Variants in GLT6D1 observed in about 807,000 individuals in gnomAD.
GLT6D1 encodes putative glycosyltransferase 6 domain-containing protein 1.
Under a neutral mutation model 12.3 loss-of-function variants are expected in GLT6D1, and 9 were observed. The ratio of observed to expected loss-of-function variants is 0.73; its 90% confidence interval spans 0.44 to 1.27. The LOEUF is 1.27. Ranked by LOEUF, GLT6D1 falls within the 50% of genes most tolerant of loss-of-function variation. The pLI is 0.00. For synonymous variants in GLT6D1, 128 were observed against 132.3 expected, an observed-to-expected ratio of 0.97 and a Z score of 0.23; for missense variants, 335 against 346.2, an observed-to-expected ratio of 0.97 and a Z score of 0.26.
In GLT6D1 at chr9:135,633,292, C is replaced by T. The variant is rs186570208; in HGVS notation, c.72-1814G>A. On this transcript the variant is annotated intron_variant, in intron 2 of 4. Transcript: ENST00000371763. ...TGAGAGGCAGTCTTGCTCTGTCTCC[C>T]AGGCTGGAGTGCAGTGGTATGATCT... 1.6e-4 allele frequency among the ~76,000 whole-genome samples: 25 copies of T among 152,244 alleles called. 1 individual carries two copies. Among genetic ancestry groups the T allele is most frequent in the Admixed American group, 4.6e-4 (7 of 15,288 alleles).
In GLT6D1 at chr9:135,634,955, G is replaced by A. The variant is rs111388300; in HGVS notation, c.72-3477C>T. 2.4e-3 allele frequency among the ~76,000 whole-genome samples: 358 copies of A among 152,286 alleles called. 1 individual carries two copies. The highest frequency in any genetic ancestry group is 7.8e-3 in the African/African-American group (324 of 41,560). ...CTCCCCGTTTTCTTTATAAGAAAGC[G>A]CTGCGCGCAACCCAAACTTCAGGAC... On this transcript the variant is annotated intron_variant, in intron 2 of 4. Coordinates refer to ENST00000371763, the MANE Select transcript of GLT6D1 (RefSeq NM_182974.3).
rs546648772 is a variant in GLT6D1, at chr9:135,639,463, C to T, written c.-177G>A. 2.4e-4 allele frequency: 68 copies of T among 282,596 alleles called. No homozygotes were observed. Among genetic ancestry groups the T allele is most frequent in the Admixed American group, 1.0e-3 (20 of 19,838 alleles). 17.5% of individuals were successfully genotyped at this position (282,596 alleles called of 1,614,324 possible). ...GTCTGCGTTGATTGCATGAAAGAAA[C>T]GCAATAAATCTCTCCACTGCAGGGC... On this transcript the variant is annotated 5_prime_UTR_variant, in exon 1 of 5. Transcript: ENST00000371763.
chr9:135,631,470 T>C lies in GLT6D1; in HGVS notation c.80A>G (p.Gln27Arg). ...MLVERYFRNH[Q>R]VEELRLSDWF... ...GTCTGAGAGCCGAAGTTCTTCTACTTGGTGATTCCTGGATACAAAGAGAAA... is the reference window on the plus strand; with the variant it reads ...GTCTGAGAGCCGAAGTTCTTCTACTCGGTGATTCCTGGATACAAAGAGAAA... The change falls in exon 3 of 5, where the codon CAA becomes CGA. Residue 27 changes from glutamine (Q) to arginine (R), a missense_variant. Gln to Arg is a conservative substitution (Grantham distance 43). Coordinates refer to ENST00000371763, the MANE Select transcript of GLT6D1 (RefSeq NM_182974.3). 6.2e-7 allele frequency: 1 copy of C among 1,610,148 alleles called. No homozygotes were observed. The highest frequency in any genetic ancestry group is 1.3e-5 in the African/African-American group (1 of 74,962).
Position 135,623,923 on chromosome 9 carries a change from A to G in GLT6D1, c.*174T>C. On this transcript the variant is annotated 3_prime_UTR_variant, in exon 5 of 5. Transcript: ENST00000371763. ...ATGTAAATTTGTATGTCTCTAAAAA[A>G]TGGAAGGTCTTAAGACTTCCCTCAT... 3.8e-6 allele frequency: 2 copies of G among 524,024 alleles called. No individual in the cohort carries two copies. The highest frequency in any genetic ancestry group is 6.7e-6 in the Non-Finnish European group (2 of 298,074). The allele number at this position is 524,024 out of a possible 1,614,324, so 32.5% of individuals were successfully genotyped here.
intron 2 of GLT6D1, among the ~76,000 whole-genome samples, chr9:135,637,196 G>A (rs954452517): frequency 2.0e-5 from 3 of 151,336 alleles, no homozygotes; most frequent in Non-Finnish European, 2.9e-5. Context: ...TTGCACAGAT[G>A]AGCCACAGCA....
intron 3 of GLT6D1, among the ~76,000 whole-genome samples, chr9:135,629,860 C>T (rs60450351): frequency 0.082 from 12,399 of 152,014 alleles, 593 homozygotes; most frequent in South Asian, 0.15. Flanking sequence ...TCTCTAGTAA[C>T]AATTTTTGTC....
intron 3 of GLT6D1, among the ~76,000 whole-genome samples, chr9:135,629,137 C>T (rs1028290854): frequency 1.3e-5 from 2 of 151,510 alleles, no homozygotes; most frequent in African/African-American, 4.8e-5. Context: ...ATAAATTTTC[C>T]TTAGTGTATA....
intron 3 of GLT6D1, among the ~76,000 whole-genome samples, chr9:135,626,416 G>A (rs1325474335): frequency 1.3e-5 from 2 of 152,168 alleles, no homozygotes; most frequent in Non-Finnish European, 2.9e-5. Flanking sequence ...AGGCACACAC[G>A]GTTGAGTAAG....
chr9:135,638,118 C>CA (rs1234403618), intron 2 of GLT6D1, among the ~76,000 whole-genome samples: 1 of 152,106 alleles, frequency 6.6e-6, no homozygotes, highest in Non-Finnish European at 1.5e-5. Flanking sequence ...TGGCAGGAGG[C>CA]AAAAGGCATG....
chr9:135,629,078 G>A (rs1384005588), intron 3 of GLT6D1, among the ~76,000 whole-genome samples: 1 of 151,120 alleles, frequency 6.6e-6, no homozygotes, highest in African/African-American at 2.4e-5. Context: ...TTTTTTTCCT[G>A]TGCTTGCTTT....
rs549388131 is a variant in GLT6D1 at position 135,638,465 on chromosome 9, T to C, written c.71+652A>G. Among the ~76,000 whole-genome samples the C allele has an allele frequency of 2.6e-5, 4 of 152,396 alleles. No homozygotes were observed. The East Asian group carries it at 7.7e-4, about 29-fold the overall frequency. ...GATGGAACCTTTAGTATTATTTATA[T>C]TAAACACAAAGATGGAAACTTGAGA... On this transcript the variant is annotated intron_variant, in intron 2 of 4. Transcript: ENST00000371763.
rs1227852754 is a variant in GLT6D1, at chr9:135,623,836, T to C, written c.*261A>G. The C allele has an allele frequency of 2.6e-6, 1 of 387,730 alleles. No individual in the cohort carries two copies. 24.0% of individuals were successfully genotyped at this position (387,730 alleles called of 1,614,324 possible). A position where few individuals can be genotyped will look rare whatever the true frequency, so the allele number is the denominator to read the frequency against. On this transcript the variant is annotated 3_prime_UTR_variant, in exon 5 of 5. Coordinates refer to ENST00000371763, the MANE Select transcript of GLT6D1 (RefSeq NM_182974.3). Reference sequence around the variant, plus strand: ...ATTAAGTAATTATCCTTTTATTCTTTATCCTACATTAGCCAAATAAGATGG... The same window carrying C: ...ATTAAGTAATTATCCTTTTATTCTTCATCCTACATTAGCCAAATAAGATGG...
In GLT6D1 at chr9:135,624,478, A is replaced by T; in HGVS notation, c.450T>A (p.His150Gln). 1 of 1,612,882 alleles carries T rather than the reference A, an allele frequency of 6.2e-7. No individual in the cohort carries two copies. Among genetic ancestry groups the T allele is most frequent in the Non-Finnish European group, 8.5e-7 (1 of 1,179,610 alleles). ...CGATGTGTTCACCCAGGCTCTTCAC[A>T]TGCACCAGGGGGCCATCGAGCCACC... Reference protein sequence around the residue: ...ERWWLDGPLVHVKSLGEHIAS... With the variant: ...ERWWLDGPLVQVKSLGEHIAS... The change falls in exon 5 of 5, where the codon CAT (histidine) becomes CAA (glutamine). Residue 150 changes from histidine (H) to glutamine (Q), a missense_variant. By Grantham distance (24) the His-to-Gln change is conservative. Transcript: ENST00000371763.
intron 2 of GLT6D1, among the ~76,000 whole-genome samples, chr9:135,634,087 C>T (rs996098945): frequency 6.6e-6 from 1 of 152,156 alleles, no homozygotes; most frequent in Non-Finnish European, 1.5e-5. Context: ...TCCAGGAGGA[C>T]AAATGACACA....
At chr9:135,627,646 G>A (rs1833551593) in intron 3 of GLT6D1, among the ~76,000 whole-genome samples, 1 of 152,192 alleles carries the variant, frequency 6.6e-6, no homozygotes, top group African/African-American at 2.4e-5. Flanking sequence ...GAGTTTTTGT[G>A]TGAAGATAGG....
chr9:135,625,188 T>C (rs1833480118), intron 4 of GLT6D1, among the ~76,000 whole-genome samples: 1 of 152,052 alleles, frequency 6.6e-6, no homozygotes, highest in Non-Finnish European at 1.5e-5. Context: ...TGGGAAGGAA[T>C]GTCCTGACCT....
In GLT6D1 at chr9:135,624,655, G is replaced by C; in HGVS notation, c.273C>G (p.Tyr91Ter). 6.4e-7 allele frequency: 1 copy of C among 1,567,758 alleles called. No individual in the cohort carries two copies. The highest frequency in any genetic ancestry group is 1.7e-4 in the Middle Eastern group (1 of 5,842). The change falls in exon 5 of 5, where the codon TAC (tyrosine) becomes TAG (stop). Residue 91 changes from tyrosine to a stop codon, truncating the protein, a stop_gained. Coordinates refer to ENST00000371763, the MANE Select transcript of GLT6D1 (RefSeq NM_182974.3). LOFTEE classifies it low-confidence loss of function (END_TRUNC). ...VFATGRFAEE[Y>*]LRPFLHSANK... Reference sequence around the variant, plus strand: ...TTGCGGAGTGTAGGAACGGCCTCAGGTACTCCTCTGCAAACCTAGGAAACA... The same window carrying C: ...TTGCGGAGTGTAGGAACGGCCTCAGCTACTCCTCTGCAAACCTAGGAAACA...
At chr9:135,629,214 C>T (rs1004343705) in intron 3 of GLT6D1, among the ~76,000 whole-genome samples, 15 of 151,976 alleles carry the variant, frequency 9.9e-5, no homozygotes, top group Admixed American at 6.6e-4. Flanking sequence ...AAAATTAGGA[C>T]GTTATTGACT....
chr9:135,624,206 T>C lies in GLT6D1; in HGVS notation c.722A>G (p.Asp241Gly), dbSNP rs750225992. ...TCCGTTCAGATATTCTTTGATGAAG[T>C]CTAAAATATTATGGGGTGTGCCACC... Reference protein sequence around the residue: ...MVGGTPHNILDFIKEYLNGVI... With the variant: ...MVGGTPHNILGFIKEYLNGVI... The change falls in exon 5 of 5, where the codon GAC becomes GGC. Residue 241 changes from aspartate to glycine, a missense_variant. Asp to Gly is a moderately conservative substitution (Grantham distance 94). Coordinates refer to ENST00000371763, the MANE Select transcript of GLT6D1 (RefSeq NM_182974.3). 6.2e-7 allele frequency: 1 copy of C among 1,611,584 alleles called. No individual in the cohort carries two copies.
Sources: gnomAD v4.1 joint callset for allele counts (sites outside exome capture counted in the v4.1 genomes callset) on GRCh38, gnomAD v4.1.1 for gene constraint, MANE v1.5 for transcripts, NCBI Gene and HGNC (gene_info 2026-07-23, HGNC 2026-07-21) for gene names.